Variants in PLD5 observed in about 807,000 individuals in gnomAD.
The protein encoded by PLD5 is inactive phospholipase D5.
In PLD5, 36 loss-of-function variants were observed where a neutral mutation model predicts 61.1. The observed-to-expected ratio is 0.59, with a 90% confidence interval of 0.45 to 0.78. The LOEUF is 0.78. PLD5 is among the 30% of genes least tolerant of loss of function. The pLI, the probability that PLD5 is intolerant of heterozygous loss-of-function variation, is 0.00. For synonymous variants in PLD5, 243 were observed against 242.8 expected, an observed-to-expected ratio of 1.00 and a Z score of -0.01; for missense variants, 515 against 644.4, an observed-to-expected ratio of 0.80 and a Z score of 2.17.
At chr1:242,351,778 TG>T in intron 1 of PLD5, among the ~76,000 whole-genome samples, 1 of 152,350 alleles carries the variant, frequency 6.6e-6, no homozygotes, top group East Asian at 1.9e-4. Context: ...TTACATATTT[TG>T]GTGATTATAA....
rs11806893 is a variant in PLD5 at position 242,313,883 on chromosome 1, A to G, written c.327-25353T>C. Among the ~76,000 whole-genome samples the G allele has an allele frequency of 4.8e-3, 737 of 152,210 alleles. 8 individuals are homozygous for G. The highest frequency in any genetic ancestry group is 0.017 in the African/African-American group (710 of 41,524). ...TGGGTGCAACAGCATCAGCCATTGC[A>G]GGGTTTTCAAGGTGAATATCACCTT... is the stretch of plus-strand genomic sequence containing the variant. On this transcript the variant is annotated intron_variant, in intron 2 of 9. Transcript: ENST00000536534.
intron 5 of PLD5, among the ~76,000 whole-genome samples, chr1:242,171,195 C>A (rs1474590992): frequency 6.6e-6 from 1 of 152,154 alleles, no homozygotes; most frequent in Non-Finnish European, 1.5e-5. Flanking sequence ...GATCTCTCTG[C>A]AGAAAGCCTA....
chr1:242,456,638 T>C (rs1666953119), intron 1 of PLD5, among the ~76,000 whole-genome samples: 1 of 152,252 alleles, frequency 6.6e-6, no homozygotes, highest in African/African-American at 2.4e-5. Flanking sequence ...GGTGATGGTC[T>C]ATATCAGAGA....
chr1:242,418,651 C>G (rs536939219), intron 1 of PLD5, among the ~76,000 whole-genome samples: 1 of 152,300 alleles, frequency 6.6e-6, no homozygotes, highest in East Asian at 1.9e-4. Flanking sequence ...TCAAATGCTG[C>G]TGGTAGATTA....
intron 5 of PLD5, among the ~76,000 whole-genome samples, chr1:242,127,802 G>A (rs774744140): frequency 6.6e-6 from 1 of 152,112 alleles, no homozygotes; most frequent in Non-Finnish European, 1.5e-5. Context: ...AAGACTTATG[G>A]AATATAAATA....
At chr1:242,208,275 A>T (rs150362319) in intron 5 of PLD5, among the ~76,000 whole-genome samples, 4 of 151,802 alleles carry the variant, frequency 2.6e-5, no homozygotes, top group Non-Finnish European at 5.9e-5. Context: ...CTCAAATTCC[A>T]TCTTCTCTCT....
chr1:242,194,594 C>CTATCTATCTATCTATCTATCTATCTATG (rs1668493103), intron 5 of PLD5, among the ~76,000 whole-genome samples: 1 of 70,646 alleles, frequency 1.4e-5, no homozygotes, highest in African/African-American at 6.3e-5. Context: ...ATCTATCTAT[C>CTATCTATCTATCTATCTATCTATCTATG]TATCTATCTA....
intron 1 of PLD5, among the ~76,000 whole-genome samples, chr1:242,348,547 A>C (rs558984239): frequency 6.6e-6 from 1 of 152,250 alleles, no homozygotes; most frequent in African/African-American, 2.4e-5. Flanking sequence ...AGATCACTAG[A>C]TATCTATTGT....
At chr1:242,433,086 G>A (rs1345616327) in intron 1 of PLD5, among the ~76,000 whole-genome samples, 1 of 152,110 alleles carries the variant, frequency 6.6e-6, no homozygotes, top group African/African-American at 2.4e-5. Context: ...GGGAAAAAAA[G>A]CAAAAAGGAA....
intron 1 of PLD5, chr1:242,377,156 G>A (rs1475695043): frequency 3.5e-5 from 56 of 1,611,530 alleles, no homozygotes; most frequent in Non-Finnish European, 4.1e-5. Context: ...ACTTGTGTAC[G>A]ATGAAGAGGT....
At chr1:242,426,585 CT>C (rs1036753347) in intron 1 of PLD5, among the ~76,000 whole-genome samples, 55 of 152,170 alleles carry the variant, frequency 3.6e-4, no homozygotes, top group African/African-American at 1.3e-3. Context: ...CCACTACGAT[CT>C]TACGGGACTG....
intron 2 of PLD5, among the ~76,000 whole-genome samples, chr1:242,291,247 A>G (rs533028129): frequency 6.6e-6 from 1 of 152,156 alleles, no homozygotes; most frequent in South Asian, 2.1e-4. Flanking sequence ...CCCCCAAACT[A>G]GGCTAGATCC....
At chr1:242,233,588 G>A (rs1184550500) in intron 4 of PLD5, among the ~76,000 whole-genome samples, 1 of 151,508 alleles carries the variant, frequency 6.6e-6, no homozygotes, top group African/African-American at 2.4e-5. Flanking sequence ...GGGAGGGAGG[G>A]CTGGCGGCAG....
chr1:242,226,734 A>G (rs1670970053), intron 4 of PLD5, among the ~76,000 whole-genome samples: 2 of 152,340 alleles, frequency 1.3e-5, no homozygotes, highest in South Asian at 4.1e-4. Context: ...ATTACTCATT[A>G]TAACTCCTTT....
chr1:242,319,798 A>T (rs1658265207), intron 2 of PLD5, among the ~76,000 whole-genome samples: 1 of 152,238 alleles, frequency 6.6e-6, no homozygotes, highest in Admixed American at 6.5e-5. Context: ...AATAATGCAG[A>T]TTCACTGAGG....
chr1:242,485,685 G>A (rs1667936799), intron 1 of PLD5, among the ~76,000 whole-genome samples: 1 of 152,164 alleles, frequency 6.6e-6, no homozygotes, highest in African/African-American at 2.4e-5. Flanking sequence ...AGCTACCAAT[G>A]ACTTTCTGCA....
At chr1:242,376,319 C>T (rs1463974699) in intron 1 of PLD5, among the ~76,000 whole-genome samples, 4 of 152,152 alleles carry the variant, frequency 2.6e-5, no homozygotes, top group African/African-American at 7.2e-5. Flanking sequence ...AAACACCCTT[C>T]GGCGTGGCCT....
intron 1 of PLD5, among the ~76,000 whole-genome samples, chr1:242,522,937 GC>G (rs1669325196): frequency 6.6e-6 from 1 of 152,154 alleles, no homozygotes; most frequent in South Asian, 2.1e-4. Flanking sequence ...CAGAAAGCAG[GC>G]ACAGACCTTC....
At chr1:242,391,047 T>G (rs1041819722) in intron 1 of PLD5, among the ~76,000 whole-genome samples, 1 of 151,810 alleles carries the variant, frequency 6.6e-6, no homozygotes, top group Non-Finnish European at 1.5e-5. Context: ...TACAAAAAAT[T>G]AGCCAGGTGT....
Sources: allele counts gnomAD v4.1 joint callset (sites outside exome capture counted in the v4.1 genomes callset), GRCh38; gene constraint gnomAD v4.1.1; transcripts MANE v1.5; gene names NCBI Gene and HGNC (gene_info 2026-07-23, HGNC 2026-07-21).